Variants in TERT observed in about 807,000 individuals in gnomAD.
TERT encodes telomerase catalytic subunit.
TERT carries 42 observed loss-of-function variants against 104.0 expected under a neutral mutation model. The ratio of observed to expected loss-of-function variants is 0.40; its 90% CI spans 0.32 to 0.52. TERT has a LOEUF of 0.52. Ranked by LOEUF, TERT falls within the 20% of genes least tolerant of loss-of-function variation. The pLI is 0.43. For synonymous variants in TERT, 781 were observed against 725.6 expected (o/e 1.08, Z -1.23); for missense variants, 1,101 against 1,610.3 (o/e 0.68, Z 5.41).
In TERT at chr5:1,268,777, C is replaced by T; in HGVS notation, c.2469-144G>A. On this transcript the variant is annotated intron_variant, in intron 8 of 15. Transcript: ENST00000310581. The surrounding 1 kb of genome is among the most constrained non-coding windows in gnomAD (Gnocchi z 5.5). Reference sequence around the variant, plus strand: ...AGCCGGCAAACACCTCAGAAACATACCAGATGAGACCTCTGAACAAACAAT... The same window carrying T: ...AGCCGGCAAACACCTCAGAAACATATCAGATGAGACCTCTGAACAAACAAT... The T allele has an allele frequency of 6.4e-6, 4 of 620,508 alleles. No homozygotes were observed. The highest frequency in any genetic ancestry group is 1.2e-5 in the Non-Finnish European group (4 of 340,756). The allele number at this position is 620,508 out of a possible 1,614,324, so 38.4% of individuals were successfully genotyped here. A position where few individuals can be genotyped will look rare whatever the true frequency, so the allele number is the denominator to read the frequency against.
At position 1,253,624 on chromosome 5, in the gene TERT, G is replaced by T; in HGVS notation, c.*104C>A. On this transcript the variant is annotated 3_prime_UTR_variant, in exon 16 of 16. Transcript: ENST00000310581. ...CTCACTCAGGCCTCAGACTCCCAGCGGTGCGGGCCTGGGTGTGGGCCGCCC... is the reference window on the plus strand; with the variant it reads ...CTCACTCAGGCCTCAGACTCCCAGCTGTGCGGGCCTGGGTGTGGGCCGCCC... 1.1e-6 allele frequency: 1 copy of T among 942,816 alleles called. No individual in the cohort carries two copies. The highest frequency in any genetic ancestry group is 1.7e-6 in the Non-Finnish European group (1 of 603,098). The allele number at this position is 942,816 out of a possible 1,614,324, so 58.4% of individuals were successfully genotyped here. A position where few individuals can be genotyped will look rare whatever the true frequency, so the allele number is the denominator to read the frequency against.
chr5:1,281,959 G>A (rs1236781374), intron 3 of TERT, among the ~76,000 whole-genome samples: 1 of 152,088 alleles, frequency 6.6e-6, no homozygotes, highest in Non-Finnish European at 1.5e-5. Flanking sequence ...GTGGTGGCAG[G>A]TGCCTGTAAT....
chr5:1,253,522 A>G lies in TERT; in HGVS notation c.*206T>C. On this transcript the variant is annotated 3_prime_UTR_variant, in exon 16 of 16. Transcript: ENST00000310581. ...AAGACGGCAGGTGTGCTGGACACTC[A>G]GCCCTTGGCTGGACACTCGCTCAGG... 1.6e-6 allele frequency: 1 copy of G among 607,816 alleles called. No individual in the cohort carries two copies. The highest frequency in any genetic ancestry group is 2.9e-6 in the Non-Finnish European group (1 of 339,654). 37.7% of individuals were successfully genotyped at this position (607,816 alleles called of 1,614,324 possible).
In TERT at chr5:1,257,522, CAG is replaced by C. The variant is rs1321850492; in HGVS notation, c.3032+1074_3032+1075del. ...GATGCAAACGAGGGAAGATTTGAGG[CAG>C]AGAGAGAAGGCAGAGAGGAGGGCGG... On this transcript the variant is annotated intron_variant, in intron 13 of 15. Transcript: ENST00000310581. This position sits in a 1 kb window ranked among gnomAD's most constrained non-coding sequence, Gnocchi z 5.6. Among the ~76,000 whole-genome samples, 1 of 152,152 alleles carries C rather than the reference CAG, an allele frequency of 6.6e-6. No homozygotes were observed. Among genetic ancestry groups the C allele is most frequent in the Non-Finnish European group, 1.5e-5 (1 of 68,026 alleles).
Position 1,268,715 on chromosome 5 carries a change from C to G in TERT, c.2469-82G>C. ...ACTCAAACCGAGCCACACACAGACA[C>G]AGAACCTCATACACACAAACGACAC... is the stretch of plus-strand genomic sequence containing the variant. On this transcript the variant is annotated intron_variant, in intron 8 of 15. Transcript: ENST00000310581. This position sits in a 1 kb window ranked among gnomAD's most constrained non-coding sequence, Gnocchi z 5.5. The G allele has an allele frequency of 1.1e-6, 1 of 915,802 alleles. No individual in the cohort carries two copies. 56.7% of individuals were successfully genotyped at this position (915,802 alleles called of 1,614,324 possible).
At position 1,253,685 on chromosome 5, in the gene TERT, G is replaced by A. The variant is rs1386157567; in HGVS notation, c.*43C>T. On this transcript the variant is annotated 3_prime_UTR_variant, in exon 16 of 16. Transcript: ENST00000310581. The stretch of plus-strand genomic sequence containing the variant: ...GGGACGTAGAGCCCGGCGTGACAGG[G>A]CTGCTGGTGTCTGCTCTCGGCCTGG... 1 of 1,544,132 alleles carries A rather than the reference G, an allele frequency of 6.5e-7. No homozygotes were observed. The highest frequency in any genetic ancestry group is 1.8e-5 in the Admixed American group (1 of 56,218).
At position 1,294,147 on chromosome 5, in the gene TERT, C is replaced by T. The variant is rs1403395035; in HGVS notation, c.739G>A (p.Glu247Lys). ...GACCCCTGCCCAACGGGCGTCCGCT[C>T]CGGCTCAGGGGCAGCGCCACGCCTG... ...RPRRGAAPEP[E>K]RTPVGQGSWA... Residue 247 changes from glutamate to lysine, a missense_variant, in exon 2 of 16, where the codon GAG becomes AAG. This residue lies in a region of TERT where 504 missense variants were observed against 544.6 expected (regional missense o/e 0.93). Transcript: ENST00000310581. 1.3e-6 allele frequency: 2 copies of T among 1,581,576 alleles called. No homozygotes were observed. Among genetic ancestry groups the T allele is most frequent in the South Asian group, 1.1e-5 (1 of 88,070 alleles).
intron 10 of TERT, among the ~76,000 whole-genome samples, chr5:1,266,082 C>A (rs1007227062): frequency 6.6e-6 from 1 of 152,126 alleles, no homozygotes; most frequent in South Asian, 2.1e-4. Flanking sequence ...CTCAGGTGCA[C>A]CCTGGGGAGG....
At chr5:1,266,328 C>A (rs1305934157) in intron 10 of TERT, 136 bp downstream of exon 10, 4 of 883,880 alleles carry the variant, frequency 4.5e-6, no homozygotes, top group South Asian at 4.3e-5. Context: ...CGCCTCTGCT[C>A]TTGCGGATCC....
At position 1,294,269 on chromosome 5, in the gene TERT, C is replaced by G. The variant is rs1751226692; in HGVS notation, c.617G>C (p.Ser206Thr). The G allele has an allele frequency of 6.3e-7, 1 of 1,593,484 alleles. No individual in the cohort carries two copies. Among genetic ancestry groups the G allele is most frequent in the African/African-American group, 1.3e-5 (1 of 74,750 alleles). Residue 206 changes from serine (S) to threonine (T), a missense_variant, in exon 2 of 16, where the codon AGC (serine) becomes ACC (threonine). Ser to Thr is a moderately conservative substitution (Grantham distance 58). Coordinates refer to ENST00000310581, the MANE Select transcript of TERT (RefSeq NM_198253.3). ...CAGGGGGACCCCGGCCTCCCTGACG[C>G]TATGGTTCCAGGCCCGTTCGCATCC... ...RLGCERAWNH[S>T]VREAGVPLGL...
intron 2 of TERT, among the ~76,000 whole-genome samples, chr5:1,285,634 A>G (rs1427693523): frequency 8.0e-6 from 1 of 125,078 alleles, no homozygotes; most frequent in Non-Finnish European, 1.6e-5. Context: ...CAGTGGTGCA[A>G]TGTCGGCTCA....
In TERT at chr5:1,261,859, T is replaced by C. The variant is rs1748254536; in HGVS notation, c.2844-1259A>G. Among the ~76,000 whole-genome samples, 1 of 152,168 alleles carries C rather than the reference T, an allele frequency of 6.6e-6. No homozygotes were observed. ...TCATGCATGCCCTTTGCCAGCTGGG[T>C]GACCAAGGGCGGCTGCTCCCCTGGA... On this transcript the variant is annotated intron_variant, in intron 11 of 15. Coordinates refer to ENST00000310581, the MANE Select transcript of TERT (RefSeq NM_198253.3). This position sits in a 1 kb window ranked among gnomAD's most constrained non-coding sequence, Gnocchi z 7.4.
At position 1,270,669 on chromosome 5, in the gene TERT, C is replaced by A. The variant is rs775218501; in HGVS notation, c.2468+450G>T. On this transcript the variant is annotated intron_variant, in intron 8 of 15. Transcript: ENST00000310581. The surrounding 1 kb of genome is among the most constrained non-coding windows in gnomAD (Gnocchi z 8.3). ...TAGTCACAGAGAGAAGAGCCCGCGC[C>A]CTCGCGGGGGTCACACGACAGGGAC... Among the ~76,000 whole-genome samples the A allele has an allele frequency of 6.6e-6, 1 of 152,190 alleles. No homozygotes were observed. The highest frequency in any genetic ancestry group is 1.5e-5 in the Non-Finnish European group (1 of 68,034).
At chr5:1,290,277 G>A (rs1579591412) in intron 2 of TERT, among the ~76,000 whole-genome samples, 10 of 50,730 alleles carry the variant, frequency 2.0e-4, no homozygotes, top group Non-Finnish European at 2.1e-4. Flanking sequence ...CACTCACCCT[G>A]AACGTGACAG....
Position 1,256,768 on chromosome 5 carries a change from C to T in TERT, c.3033-1357G>A, listed in dbSNP as rs949117488. 1.5e-4 allele frequency among the ~76,000 whole-genome samples: 23 copies of T among 152,216 alleles called. No homozygotes were observed. The highest frequency in any genetic ancestry group is 1.3e-3 in the Admixed American group (20 of 15,282). On this transcript the variant is annotated intron_variant, in intron 13 of 15. Coordinates refer to ENST00000310581, the MANE Select transcript of TERT (RefSeq NM_198253.3). The surrounding 1 kb of genome is among the most constrained non-coding windows in gnomAD (Gnocchi z 7.0). Reference sequence around the variant, plus strand: ...AGCCTAAGGTCCCGGGGTTGCCACACGGCCACGCTCCTGACCCAGGAGGGA... The same window carrying T: ...AGCCTAAGGTCCCGGGGTTGCCACATGGCCACGCTCCTGACCCAGGAGGGA...
At position 1,280,296 on chromosome 5, in the gene TERT, T is replaced by C. The variant is rs33959226; in HGVS notation, c.1812A>G (p.Ala604=). The change falls in exon 4 of 16, where the codon GCA becomes GCG. Residue 604 remains alanine (A), a synonymous_variant. Coordinates refer to ENST00000310581, the MANE Select transcript of TERT (RefSeq NM_198253.3). ...KRVQLRELSE[A]EVRQHREARP... is the part of the protein sequence containing the mutation. ...TGGCTTCCCGATGCTGCCTGACCTC[T>C]GCTTCCGACAGCTCCCGCAGCTGCA... 5,436 of 1,613,634 alleles carry C rather than the reference T, an allele frequency of 3.4e-3. 10 individuals are homozygous for C. The highest frequency in any genetic ancestry group is 3.9e-3 in the Non-Finnish European group (4,640 of 1,180,024).
chr5:1,275,122 C>T (rs1749460491), intron 6 of TERT, among the ~76,000 whole-genome samples: 1 of 152,200 alleles, frequency 6.6e-6, no homozygotes, highest in Non-Finnish European at 1.5e-5. Flanking sequence ...CACCTGTCAT[C>T]CCAGCACTTT....
chr5:1,256,106 G>A lies in TERT; in HGVS notation c.3033-695C>T, dbSNP rs554824135. On this transcript the variant is annotated intron_variant, in intron 13 of 15. Coordinates refer to ENST00000310581, the MANE Select transcript of TERT (RefSeq NM_198253.3). This position sits in a 1 kb window ranked among gnomAD's most constrained non-coding sequence, Gnocchi z 7.0. ...GCTCACTGCAGCTTCCACCTCCTGG[G>A]CTCAAGTGATCCTCCCACTTCAGCC... is the stretch of plus-strand genomic sequence containing the variant. Among the ~76,000 whole-genome samples, 1 of 152,204 alleles carries A rather than the reference G, an allele frequency of 6.6e-6. No homozygotes were observed. Among genetic ancestry groups the A allele is most frequent in the East Asian group, 1.9e-4 (1 of 5,186 alleles).
At position 1,293,993 on chromosome 5, in the gene TERT, G is replaced by T. The variant is rs918075673; in HGVS notation, c.893C>A (p.Ser298Tyr). 6 of 1,575,738 alleles carry T rather than the reference G, an allele frequency of 3.8e-6. No individual in the cohort carries two copies. In the Admixed American group the frequency reaches 9.0e-5, roughly 24 times the overall value. The change falls in exon 2 of 16, where the codon TCC becomes TAC. Residue 298 changes from serine to tyrosine, a missense_variant. Ser to Tyr is a moderately radical substitution (Grantham distance 144, BLOSUM62 -2). Around this residue, in one of 5 missense-constraint regions of TERT, gnomAD observed 504 missense variants for 544.6 expected, o/e 0.93. Coordinates refer to ENST00000310581, the MANE Select transcript of TERT (RefSeq NM_198253.3). ...ALSGTRHSHPSVGRQHHAGPP... is the reference protein window; with the variant it reads ...ALSGTRHSHPYVGRQHHAGPP... The stretch of plus-strand genomic sequence containing the variant: ...GCCCGCGTGGTGCTGGCGGCCCACG[G>T]ATGGGTGGGAGTGGCGCGTGCCAGA...
Sources: allele counts gnomAD v4.1 joint callset (sites outside exome capture counted in the v4.1 genomes callset), GRCh38; gene constraint gnomAD v4.1.1; regional missense constraint gnomAD v4.1.1; non-coding constraint Gnocchi (gnomAD v3.1); transcripts MANE v1.5; gene names NCBI Gene and HGNC (gene_info 2026-07-23, HGNC 2026-07-21).